The following KPNB1 variants were observed in gnomAD, a reference collection of about 807,000 sequenced individuals.
KPNB1 encodes the protein importin subunit beta-1.
In KPNB1, 7 loss-of-function variants were observed where a neutral mutation model predicts 113.0. That is an observed-to-expected ratio of 0.06 (90% CI 0.04 to 0.12). KPNB1 has a LOEUF of 0.12. KPNB1 is among the 10% of genes least tolerant of loss of function. The pLI is 1.00. For synonymous variants in KPNB1, 363 were observed against 378.6 expected, an observed-to-expected ratio of 0.96 and a Z score of 0.48; for missense variants, 400 against 1,054.8, an observed-to-expected ratio of 0.38 and a Z score of 8.60.
In KPNB1 at chr17:47,680,721, G is replaced by T. The variant is rs561923570; in HGVS notation, c.2630+52G>T. 83 of 1,561,076 alleles carry T rather than the reference G, an allele frequency of 5.3e-5. No individual in the cohort carries two copies. In the Admixed American group the frequency reaches 8.8e-4, roughly 17 times the overall value. On this transcript the variant is annotated intron_variant, in intron 21 of 21. Coordinates refer to ENST00000290158, the MANE Select transcript of KPNB1 (RefSeq NM_002265.6). ...TTCTTCTACTTCCTGGAGGAGGGGG[G>T]TATGTTTTCTTTAGGCCATTCTGGC...
chr17:47,650,287 A>G lies in KPNB1; in HGVS notation c.40+3A>G, dbSNP rs1915495437. 1 of 1,604,444 alleles carries G rather than the reference A, an allele frequency of 6.2e-7. No homozygotes were observed. Among genetic ancestry groups the G allele is most frequent in the Non-Finnish European group, 8.5e-7 (1 of 1,175,372 alleles). Reference sequence around the variant, plus strand: ...TCTCGAGAAGACCGTGTCTCCCGGTAGGACGCAGGAGCCGGGGGTAGGGCT... The same window carrying G: ...TCTCGAGAAGACCGTGTCTCCCGGTGGGACGCAGGAGCCGGGGGTAGGGCT... On this transcript the variant is annotated splice_donor_region_variant and intron_variant, in intron 1 of 21. Coordinates refer to ENST00000290158, the MANE Select transcript of KPNB1 (RefSeq NM_002265.6).
chr17:47,672,351 T>G (rs1369354790), intron 12 of KPNB1, among the ~76,000 whole-genome samples: 1 of 152,092 alleles, frequency 6.6e-6, no homozygotes, highest in Non-Finnish European at 1.5e-5. Flanking sequence ...CATGCCTCTT[T>G]GAGATTATAT....
chr17:47,682,468 C>T lies in KPNB1; in HGVS notation c.*64C>T. ...GGAAATCTCCCATCTTTTGAAAAAC[C>T]TGGAAGTGAGGAGTGTGCACGGATG... On this transcript the variant is annotated 3_prime_UTR_variant, in exon 22 of 22. Coordinates refer to ENST00000290158, the MANE Select transcript of KPNB1 (RefSeq NM_002265.6). 1 of 779,050 alleles carries T rather than the reference C, an allele frequency of 1.3e-6. No homozygotes were observed. Among genetic ancestry groups the T allele is most frequent in the Admixed American group, 1.7e-5 (1 of 59,008 alleles). The allele number at this position is 779,050 out of a possible 1,614,324, so 48.3% of individuals were successfully genotyped here.
intron 21 of KPNB1, among the ~76,000 whole-genome samples, chr17:47,681,208 T>G (rs999917176): frequency 6.6e-6 from 1 of 151,782 alleles, no homozygotes; most frequent in Admixed American, 6.6e-5. Context: ...TAGCTGGGAT[T>G]ACAGTCACAT....
chr17:47,673,748 G>A (rs1597936661), intron 14 of KPNB1, 187 bp downstream of exon 14: 1 of 586,930 alleles, frequency 1.7e-6, no homozygotes, highest in Middle Eastern at 2.9e-4. Context: ...TTACCTGTCT[G>A]TCTAGAAAGA....
At chr17:47,675,126 GT>G (rs2030556514) in intron 15 of KPNB1, among the ~76,000 whole-genome samples, 2 of 151,682 alleles carry the variant, frequency 1.3e-5, no homozygotes, top group African/African-American at 4.8e-5. Context: ...GCTTAATTTT[GT>G]TTGTGTGTGA....
intron 3 of KPNB1, among the ~76,000 whole-genome samples, chr17:47,654,972 G>C (rs559080869): frequency 6.6e-6 from 1 of 152,168 alleles, no homozygotes; most frequent in Non-Finnish European, 1.5e-5. Flanking sequence ...ACATCAATCA[G>C]AACTGTTTGT....
chr17:47,677,183 G>A, intron 17 of KPNB1, 56 bp downstream of exon 17: 1 of 1,297,940 alleles, frequency 7.7e-7, no homozygotes, highest in Non-Finnish European at 1.1e-6. Context: ...AACAACAGTT[G>A]GAAAGATAGT....
chr17:47,673,944 T>C (rs2030523548), intron 14 of KPNB1: 1 of 169,936 alleles, frequency 5.9e-6, no homozygotes, highest in Non-Finnish European at 1.3e-5. Context: ...GTATAGCTCA[T>C]TTGTGTTGGC....
intron 12 of KPNB1, 78 bp downstream of exon 12, chr17:47,670,910 T>A: frequency 7.9e-7 from 1 of 1,264,922 alleles, no homozygotes; most frequent in Non-Finnish European, 1.1e-6. Flanking sequence ...ATATCTAGCT[T>A]AATCATAGAA....
intron 9 of KPNB1, among the ~76,000 whole-genome samples, chr17:47,667,122 G>GT (rs1486419065): frequency 1.3e-5 from 2 of 151,512 alleles, no homozygotes; most frequent in African/African-American, 2.4e-5. Flanking sequence ...TTGGTTTTTG[G>GT]TTTTTTGGGG....
At chr17:47,674,859 C>A in intron 15 of KPNB1, 77 bp downstream of exon 15, 1 of 1,460,708 alleles carries the variant, frequency 6.8e-7, no homozygotes, top group Non-Finnish European at 9.3e-7. Context: ...AATTGTCACC[C>A]AGGCTGGAGT....
rs201806721 is a variant in KPNB1 at position 47,664,309 on chromosome 17, A to G, written c.897+40A>G. ...ACTATTACTCTGAATACGCTTTGGG[A>G]CATATCTCATTTGTGGATGATGTTC... On this transcript the variant is annotated intron_variant, in intron 8 of 21. Coordinates refer to ENST00000290158, the MANE Select transcript of KPNB1 (RefSeq NM_002265.6). The G allele has an allele frequency of 4.8e-5, 61 of 1,275,508 alleles. No individual in the cohort carries two copies. In the East Asian group the frequency reaches 1.3e-3, roughly 27 times the overall value. 79.0% of individuals were successfully genotyped at this position (1,275,508 alleles called of 1,614,324 possible).
At chr17:47,655,265 T>C (rs1915686726) in intron 3 of KPNB1, among the ~76,000 whole-genome samples, 1 of 152,200 alleles carries the variant, frequency 6.6e-6, no homozygotes, top group Non-Finnish European at 1.5e-5. Context: ...GGCTTCATCT[T>C]TTATCATACC....
chr17:47,678,832 T>C (rs1409017135), intron 19 of KPNB1, among the ~76,000 whole-genome samples: 5 of 152,228 alleles, frequency 3.3e-5, no homozygotes, highest in African/African-American at 1.2e-4. Context: ...GGTCTTGAAC[T>C]CCTGATCTCA....
intron 15 of KPNB1, among the ~76,000 whole-genome samples, chr17:47,675,379 TTTTTTGTTTG>T (rs1242445442): frequency 0.021 from 2,377 of 113,510 alleles, 461 homozygotes; most frequent in Non-Finnish European, 0.034. Context: ...TTTGTTTTTT[TTTTTTGTTTG>T]TTTTTTTTTT....
intron 15 of KPNB1, 49 bp from the exon 16 acceptor site, chr17:47,676,360 T>A: frequency 7.5e-7 from 1 of 1,334,280 alleles, no homozygotes; most frequent in Non-Finnish European, 1.1e-6. Context: ...TGCCTGCCTC[T>A]GTGTTAACCC....
chr17:47,670,881 A>C (rs576053898), intron 12 of KPNB1, 49 bp downstream of exon 12: 43 of 1,530,418 alleles, frequency 2.8e-5, no homozygotes, highest in Non-Finnish European at 3.8e-5. Context: ...TCCAAGTTCT[A>C]TTGCCTTCTG....
chr17:47,659,910 AT>A (rs770616960), intron 5 of KPNB1, among the ~76,000 whole-genome samples: 5 of 150,036 alleles, frequency 3.3e-5, no homozygotes, highest in East Asian at 2.0e-4. Flanking sequence ...AAAAAAAAAA[AT>A]ATATATATAT....
Sources: gnomAD v4.1 joint callset for allele counts (sites outside exome capture counted in the v4.1 genomes callset) on GRCh38, gnomAD v4.1.1 for gene constraint, MANE v1.5 for transcripts, NCBI Gene and HGNC (gene_info 2026-07-23, HGNC 2026-07-21) for gene names.